LCN6: variants seen among roughly 807,000 people sequenced by gnomAD.
LCN6 encodes the protein epididymal-specific lipocalin-6.
Under a neutral mutation model 21.4 loss-of-function variants are expected in LCN6, and 20 were observed. That is an observed-to-expected ratio of 0.93 (90% CI 0.66 to 1.36). The LOEUF is 1.36. Ranked by LOEUF, LCN6 falls within the 40% of genes most tolerant of loss-of-function variation. LCN6 has a pLI of 0.00. For missense variants in LCN6, 217 were observed against 206.6 expected (o/e 1.05, Z -0.31); for synonymous variants, 96 against 89.0 (o/e 1.08, Z -0.44).
At position 136,745,154 on chromosome 9, in the gene LCN6, C is replaced by A. The variant is rs762097919; in HGVS notation, c.412+16G>T. 1 of 1,535,632 alleles carries A rather than the reference C, an allele frequency of 6.5e-7. No homozygotes were observed. Among genetic ancestry groups the A allele is most frequent in the East Asian group, 2.3e-5 (1 of 44,336 alleles). On this transcript the variant is annotated intron_variant, in intron 4 of 6. Coordinates refer to ENST00000341206, the MANE Select transcript of LCN6 (RefSeq NM_198946.3). ...ACCACACAGCTCCCTACGTGGGCCC[C>A]GCACAGCACACTTACTGTACAGCTC...
chr9:136,747,893 CCCTCCAG>C (rs1248709916), intron 1 of LCN6, among the ~76,000 whole-genome samples: 1 of 137,602 alleles, frequency 7.3e-6, no homozygotes, highest in Non-Finnish European at 1.5e-5. Context: ...AGACCTCCAA[CCCTCCAG>C]CCTCCAGCCT....
rs990432672 is a variant in LCN6 at position 136,747,659 on chromosome 9, C to T, written c.91-96G>A. 360 of 997,596 alleles carry T rather than the reference C, an allele frequency of 3.6e-4. 2 individuals carry two copies. In the African/African-American group the frequency reaches 5.4e-3, roughly 15 times the overall value. 61.8% of individuals were successfully genotyped at this position (997,596 alleles called of 1,614,324 possible). On this transcript the variant is annotated intron_variant, in intron 1 of 6. Coordinates refer to ENST00000341206, the MANE Select transcript of LCN6 (RefSeq NM_198946.3). Reference sequence around the variant, plus strand: ...CCTCAGCCTCCAGCCTCCAAACCTCCAGCCTCAGCCTCCACCCTCCAACCA... The same window carrying T: ...CCTCAGCCTCCAGCCTCCAAACCTCTAGCCTCAGCCTCCACCCTCCAACCA...
chr9:136,744,532 T>G lies in LCN6; in HGVS notation c.*22+108A>C. 1.5e-6 allele frequency: 1 copy of G among 689,594 alleles called. No individual in the cohort carries two copies. The highest frequency in any genetic ancestry group is 2.5e-6 in the Non-Finnish European group (1 of 401,464). 42.7% of individuals were successfully genotyped at this position (689,594 alleles called of 1,614,324 possible). ...GCCTGACTCCTTCAGGGCGACTGAG[T>G]CAGGCAGAAGCCAGAATCAACCCCA... is the stretch of plus-strand genomic sequence containing the variant. On this transcript the variant is annotated intron_variant, in intron 5 of 6. Transcript: ENST00000341206. The surrounding 1 kb of genome is among the most constrained non-coding windows in gnomAD (Gnocchi z 4.2).
rs7848644 is a variant in LCN6, at chr9:136,744,552, A to G, written c.*22+88T>C. The G allele has an allele frequency of 0.18, 145,818 of 819,802 alleles. 14,948 individuals carry two copies. Among genetic ancestry groups the G allele is most frequent in the African/African-American group, 0.37 (21,741 of 59,064 alleles). 50.8% of individuals were successfully genotyped at this position (819,802 alleles called of 1,614,324 possible). Reference sequence around the variant, plus strand: ...CTGAGTCAGGCAGAAGCCAGAATCAACCCCAGGGTCTCTGTCACCCCATCA... The same window carrying G: ...CTGAGTCAGGCAGAAGCCAGAATCAGCCCCAGGGTCTCTGTCACCCCATCA... On this transcript the variant is annotated intron_variant, in intron 5 of 6. Transcript: ENST00000341206. This position sits in a 1 kb window ranked among gnomAD's most constrained non-coding sequence, Gnocchi z 4.2.
In LCN6 at chr9:136,747,575, C is replaced by T. The variant is rs751023435; in HGVS notation, c.91-12G>A. ...CAGGGCCCAAGAAGCTGCATTGAGG[C>T]GGCTCCCGTTAGGGCCGCCAGCCCT... On this transcript the variant is annotated splice_polypyrimidine_tract_variant and intron_variant, in intron 1 of 6. Coordinates refer to ENST00000341206, the MANE Select transcript of LCN6 (RefSeq NM_198946.3). 3.0e-5 allele frequency: 49 copies of T among 1,607,020 alleles called. No homozygotes were observed. Among genetic ancestry groups the T allele is most frequent in the Non-Finnish European group, 3.8e-5 (45 of 1,179,514 alleles).
At chr9:136,746,111 C>T (rs1847033426) in intron 2 of LCN6, 197 bp from the exon 3 acceptor site, 3 of 590,814 alleles carry the variant, frequency 5.1e-6, no homozygotes, top group East Asian at 2.8e-5. Flanking sequence ...CGGACACTCC[C>T]ATTCACTTCC....
Position 136,744,805 on chromosome 9 carries a change from G to T in LCN6, c.413-64C>A. ...GAGAGCTGGGGAGGGGCCGGGGAGG[G>T]GCTGGGAAGGGTCAGGAAGGAGGCC... is the stretch of plus-strand genomic sequence containing the variant. On this transcript the variant is annotated intron_variant, in intron 4 of 6. Coordinates refer to ENST00000341206, the MANE Select transcript of LCN6 (RefSeq NM_198946.3). The surrounding 1 kb of genome is among the most constrained non-coding windows in gnomAD (Gnocchi z 4.2). 2 of 1,176,840 alleles carry T rather than the reference G, an allele frequency of 1.7e-6. No homozygotes were observed. Among genetic ancestry groups the T allele is most frequent in the South Asian group, 1.3e-5 (1 of 77,868 alleles). 72.9% of individuals were successfully genotyped at this position (1,176,840 alleles called of 1,614,324 possible).
chr9:136,748,308 G>A, intron 1 of LCN6, 86 bp downstream of exon 1: 1 of 1,208,908 alleles, frequency 8.3e-7, no homozygotes, highest in Non-Finnish European at 1.2e-6. Flanking sequence ...GTCTGGGCTA[G>A]CCCTGGGGGG....
intron 1 of LCN6, 52 bp from the exon 2 acceptor site, chr9:136,747,615 C>T: frequency 6.4e-7 from 1 of 1,561,966 alleles, no homozygotes; most frequent in Non-Finnish European, 8.6e-7. Context: ...CCTCCAGCCT[C>T]CAGCCTCCAA....
Position 136,744,851 on chromosome 9 carries a change from C to T in LCN6, c.413-110G>A, listed in dbSNP as rs565944660. ...AGGCCACCTGCCCTGGGATGCTGGC[C>T]CCGGTCCTTCCAAAGCCACCTCCAG... is the stretch of plus-strand genomic sequence containing the variant. On this transcript the variant is annotated intron_variant, in intron 4 of 6. Transcript: ENST00000341206. This position sits in a 1 kb window ranked among gnomAD's most constrained non-coding sequence, Gnocchi z 4.2. 2 of 793,038 alleles carry T rather than the reference C, an allele frequency of 2.5e-6. No individual in the cohort carries two copies. Among genetic ancestry groups the T allele is most frequent in the Admixed American group, 4.4e-5 (2 of 45,664 alleles). The allele number at this position is 793,038 out of a possible 1,614,324, so 49.1% of individuals were successfully genotyped here.
chr9:136,745,784 G>C (rs575405719), intron 3 of LCN6, 60 bp downstream of exon 3: 703 of 1,476,100 alleles, frequency 4.8e-4, no homozygotes, highest in Admixed American at 8.4e-4. Context: ...CTGCCCGCAG[G>C]GGGCCTGGGG....
chr9:136,748,314 G>A, intron 1 of LCN6, 80 bp downstream of exon 1: 1 of 1,280,576 alleles, frequency 7.8e-7, no homozygotes, highest in Non-Finnish European at 1.1e-6. Context: ...GCTAGCCCTG[G>A]GGGGCCCAGA....
intron 3 of LCN6, 50 bp downstream of exon 3, chr9:136,745,794 G>A: frequency 6.6e-7 from 1 of 1,524,078 alleles, no homozygotes; most frequent in Non-Finnish European, 9.1e-7. Flanking sequence ...GGGGCCTGGG[G>A]ATGCTGCAGG....
chr9:136,747,178 C>T (rs544961144), intron 2 of LCN6, among the ~76,000 whole-genome samples: 1 of 152,258 alleles, frequency 6.6e-6, no homozygotes, highest in South Asian at 2.1e-4. Flanking sequence ...GGAGCATAGT[C>T]AGAGCAGTGC....
At chr9:136,748,077 A>G (rs1054084639) in intron 1 of LCN6, among the ~76,000 whole-genome samples, 2 of 90,832 alleles carry the variant, frequency 2.2e-5, no homozygotes, top group Admixed American at 2.0e-4. Flanking sequence ...CCTCCAGCCC[A>G]GCAGCCTCCA....
rs1847061901 is a variant in LCN6 at position 136,747,654 on chromosome 9, ACC to A, written c.91-93_91-92del. 7.8e-6 allele frequency: 7 copies of A among 899,152 alleles called. No homozygotes were observed. The African/African-American group carries it at 8.7e-5, about 11-fold the overall frequency. The allele number at this position is 899,152 out of a possible 1,614,324, so 55.7% of individuals were successfully genotyped here. ...TCCAGCCTCAGCCTCCAGCCTCCAA[ACC>A]TCCAGCCTCAGCCTCCACCCTCCAA... On this transcript the variant is annotated intron_variant, in intron 1 of 6. Coordinates refer to ENST00000341206, the MANE Select transcript of LCN6 (RefSeq NM_198946.3).
At position 136,744,554 on chromosome 9, in the gene LCN6, C is replaced by T; in HGVS notation, c.*22+86G>A. 2.4e-6 allele frequency: 2 copies of T among 838,596 alleles called. No individual in the cohort carries two copies. The highest frequency in any genetic ancestry group is 3.9e-6 in the Non-Finnish European group (2 of 518,112). 51.9% of individuals were successfully genotyped at this position (838,596 alleles called of 1,614,324 possible). On this transcript the variant is annotated intron_variant, in intron 5 of 6. Transcript: ENST00000341206. The surrounding 1 kb of genome is among the most constrained non-coding windows in gnomAD (Gnocchi z 4.2). ...GAGTCAGGCAGAAGCCAGAATCAAC[C>T]CCAGGGTCTCTGTCACCCCATCACG... is the stretch of plus-strand genomic sequence containing the variant.
chr9:136,746,524 G>T (rs567134691), intron 2 of LCN6, among the ~76,000 whole-genome samples: 2 of 152,136 alleles, frequency 1.3e-5, no homozygotes, highest in Non-Finnish European at 2.9e-5. Context: ...GAGTCCATGC[G>T]GGAGGAACAG....
intron 2 of LCN6, among the ~76,000 whole-genome samples, chr9:136,747,195 C>T (rs796453921): frequency 4.6e-5 from 7 of 152,094 alleles, no homozygotes; most frequent in South Asian, 2.1e-4. Context: ...GTGCCCGCCG[C>T]GGTATTGAAG....
Sources: gnomAD v4.1 joint callset for allele counts (sites outside exome capture counted in the v4.1 genomes callset) on GRCh38, gnomAD v4.1.1 for gene constraint, Gnocchi (gnomAD v3.1) non-coding constraint, MANE v1.5 for transcripts, NCBI Gene and HGNC (gene_info 2026-07-23, HGNC 2026-07-21) for gene names.